Variants in AGBL4 observed in about 807,000 individuals in gnomAD.
AGBL4 encodes the protein cytosolic carboxypeptidase 6.
A neutral mutation model predicts 66.4 loss-of-function variants in AGBL4; 58 were observed. The observed-to-expected ratio is 0.87, with a 90% CI of 0.71 to 1.09. The LOEUF is 1.09. Among genes scored for constraint, AGBL4 ranks in the 50% least tolerant of loss-of-function variants. The pLI is 0.00. For synonymous variants in AGBL4, 234 were observed against 222.9 expected (o/e 1.05, Z -0.44); for missense variants, 579 against 631.0 (o/e 0.92, Z 0.88).
chr1:48,885,901 C>A (rs964062562), intron 5 of AGBL4, among the ~76,000 whole-genome samples: 1 of 152,194 alleles, frequency 6.6e-6, no homozygotes, highest in Non-Finnish European at 1.5e-5. Flanking sequence ...TAGATGGCAA[C>A]CCCAAATGGT....
intron 4 of AGBL4, among the ~76,000 whole-genome samples, chr1:49,221,504 T>G (rs945130999): frequency 1.3e-5 from 2 of 152,114 alleles, no homozygotes; most frequent in African/African-American, 4.8e-5. Flanking sequence ...AAGATAAAAC[T>G]AAAATGCAGA....
rs1441350492 is a variant in AGBL4 at position 49,382,155 on chromosome 1, A to C, written c.283-136291T>G. 2.0e-5 allele frequency among the ~76,000 whole-genome samples: 3 copies of C among 152,146 alleles called. No individual in the cohort carries two copies. In the East Asian group the frequency reaches 5.8e-4, roughly 29 times the overall value. On this transcript the variant is annotated intron_variant, in intron 3 of 13. Transcript: ENST00000371839. ...GAGAAGTAAATTTCCATTTACTTTTATTTATCTCCTGACATACTTGGCATT... is the reference window on the plus strand; with the variant it reads ...GAGAAGTAAATTTCCATTTACTTTTCTTTATCTCCTGACATACTTGGCATT...
At chr1:48,581,528 T>C (rs1201443283) in intron 11 of AGBL4, among the ~76,000 whole-genome samples, 1 of 152,236 alleles carries the variant, frequency 6.6e-6, no homozygotes, top group Non-Finnish European at 1.5e-5. Flanking sequence ...TGGGTTACTT[T>C]ATGATTCCAG....
At chr1:48,857,386 A>T (rs957769362) in intron 6 of AGBL4, among the ~76,000 whole-genome samples, 1 of 152,240 alleles carries the variant, frequency 6.6e-6, no homozygotes, top group Non-Finnish European at 1.5e-5. Context: ...AATGGATCTA[A>T]TACCTAAATT....
At chr1:49,888,896 T>C (rs1648347591) in intron 1 of AGBL4, among the ~76,000 whole-genome samples, 1 of 152,198 alleles carries the variant, frequency 6.6e-6, no homozygotes, top group Admixed American at 6.5e-5. Flanking sequence ...TTACTAAGCA[T>C]GTACTATATG....
intron 3 of AGBL4, among the ~76,000 whole-genome samples, chr1:49,289,053 C>A (rs1372393861): frequency 6.6e-6 from 1 of 151,512 alleles, no homozygotes. Context: ...GAGGAAGGAA[C>A]CTGACCATCT....
chr1:49,319,006 A>T (rs1289663646), intron 3 of AGBL4, among the ~76,000 whole-genome samples: 5 of 152,262 alleles, frequency 3.3e-5, no homozygotes, highest in Non-Finnish European at 2.9e-5. Context: ...ACAACACTTC[A>T]CCTGCTGGAC....
chr1:49,622,453 C>A (rs1645380255), intron 3 of AGBL4, among the ~76,000 whole-genome samples: 1 of 150,970 alleles, frequency 6.6e-6, no homozygotes, highest in Admixed American at 6.6e-5. Context: ...AACGGTGAAA[C>A]CCCGTCTCTA....
At chr1:49,346,514 A>G (rs1645636159) in intron 3 of AGBL4, among the ~76,000 whole-genome samples, 1 of 152,150 alleles carries the variant, frequency 6.6e-6, no homozygotes, top group Admixed American at 6.5e-5. Flanking sequence ...TGTGGACTAT[A>G]TTGCTGTCGT....
intron 3 of AGBL4, among the ~76,000 whole-genome samples, chr1:49,540,633 G>C (rs1651937790): frequency 6.6e-6 from 1 of 151,812 alleles, no homozygotes; most frequent in Admixed American, 6.6e-5. Context: ...AAAGAGACTG[G>C]GTTATAGAAA....
At chr1:49,304,812 A>G (rs1644820633) in intron 3 of AGBL4, among the ~76,000 whole-genome samples, 1 of 152,206 alleles carries the variant, frequency 6.6e-6, no homozygotes, top group Admixed American at 6.5e-5. Flanking sequence ...GAATATTAAG[A>G]CATAGTATAA....
chr1:48,968,400 TG>T (rs1658626806), intron 5 of AGBL4, among the ~76,000 whole-genome samples: 1 of 152,084 alleles, frequency 6.6e-6, no homozygotes, highest in African/African-American at 2.4e-5. Context: ...AGGAGCAATC[TG>T]GTTTCTGTGT....
At chr1:48,841,294 C>T (rs1329713551) in intron 6 of AGBL4, among the ~76,000 whole-genome samples, 1 of 151,944 alleles carries the variant, frequency 6.6e-6, no homozygotes, top group Non-Finnish European at 1.5e-5. Context: ...AAACAGCTTT[C>T]CCATATTGGC....
chr1:49,194,841 GT>G (rs200420257), intron 4 of AGBL4, among the ~76,000 whole-genome samples: 1,534 of 139,600 alleles, frequency 0.011, 12 homozygotes, highest in Admixed American at 0.013. Context: ...TCATTGATCT[GT>G]TTTTTTTTTT....
the AGBL4 span, among the ~76,000 whole-genome samples, chr1:48,523,641 G>A: frequency 1.3e-5 from 2 of 152,212 alleles, no homozygotes; most frequent in East Asian, 3.8e-4. Flanking sequence ...CAGGCTTAAT[G>A]TTTGAAAGTC....
chr1:49,833,078 T>C (rs1017315227), intron 2 of AGBL4, among the ~76,000 whole-genome samples: 1 of 152,176 alleles, frequency 6.6e-6, no homozygotes, highest in African/African-American at 2.4e-5. Context: ...CGTGCCTATG[T>C]CCTGAATGGT....
intron 3 of AGBL4, among the ~76,000 whole-genome samples, chr1:49,283,694 A>G (rs1168899527): frequency 3.3e-5 from 5 of 151,056 alleles, no homozygotes; most frequent in Admixed American, 2.6e-4. Context: ...GGAGCTGAAA[A>G]CCAAGGCTCA....
intron 3 of AGBL4, among the ~76,000 whole-genome samples, chr1:49,528,063 A>G (rs967680113): frequency 2.0e-5 from 3 of 152,128 alleles, no homozygotes; most frequent in African/African-American, 7.2e-5. Context: ...AGTCCCCTAC[A>G]AAGTGACTGA....
At chr1:48,660,823 G>T (rs1484848436) in intron 7 of AGBL4, among the ~76,000 whole-genome samples, 1 of 131,188 alleles carries the variant, frequency 7.6e-6, no homozygotes, top group African/African-American at 2.6e-5. Flanking sequence ...CACATCAATT[G>T]TTGTGGGTGA....
Sources: allele counts gnomAD v4.1 joint callset (sites outside exome capture counted in the v4.1 genomes callset), GRCh38; gene constraint gnomAD v4.1.1; transcripts MANE v1.5; gene names NCBI Gene and HGNC (gene_info 2026-07-23, HGNC 2026-07-21).